Variants in ASCC3 observed in about 807,000 individuals in gnomAD.
The protein encoded by ASCC3 is ASC-1 complex subunit P200.
ASCC3 carries 158 observed loss-of-function variants against 256.3 expected under a neutral mutation model. The ratio of observed to expected loss-of-function variants is 0.62; its 90% CI spans 0.54 to 0.70. The LOEUF (loss-of-function observed/expected upper bound fraction) is 0.70, where lower values mean the gene tolerates loss of function less well. Among genes scored for constraint, ASCC3 ranks in the 30% least tolerant of loss-of-function variants. The probability of loss-of-function intolerance (pLI) is 0.00; values close to 1 mark genes in which losing one functional copy is unlikely to be tolerated. For synonymous variants in ASCC3, 948 were observed against 883.4 expected (o/e 1.07, Z -1.30); for missense variants, 2,259 against 2,626.0 (o/e 0.86, Z 3.05).
At chr6:100,608,808 G>T (rs1773236015) in intron 30 of ASCC3, among the ~76,000 whole-genome samples, 1 of 112,690 alleles carries the variant, frequency 8.9e-6, no homozygotes, top group Non-Finnish European at 1.7e-5. Flanking sequence ...ACGTTGCCCA[G>T]GTTGGAGTGC....
At chr6:100,551,597 T>A (rs998625228) in intron 36 of ASCC3, among the ~76,000 whole-genome samples, 5 of 151,976 alleles carry the variant, frequency 3.3e-5, no homozygotes, top group African/African-American at 1.2e-4. Flanking sequence ...TGAGTCATAA[T>A]CCAAAAGTGT....
intron 10 of ASCC3, 114 bp from the exon 11 acceptor site, chr6:100,725,817 GT>G: frequency 9.9e-7 from 1 of 1,012,232 alleles, no homozygotes; most frequent in Non-Finnish European, 1.5e-6. Context: ...AATAAAAAGT[GT>G]TTAGAATAGC....
chr6:100,715,215 A>C, intron 13 of ASCC3: 2 of 356,122 alleles, frequency 5.6e-6, no homozygotes, highest in Non-Finnish European at 1.0e-5. Context: ...GTAAGAATAT[A>C]ATATTTAAAA....
intron 13 of ASCC3, among the ~76,000 whole-genome samples, chr6:100,684,571 A>T (rs1777466007): frequency 6.6e-6 from 1 of 152,146 alleles, no homozygotes; most frequent in African/African-American, 2.4e-5. Flanking sequence ...AACAAAATTA[A>T]TTTTGCCTAA....
At chr6:100,700,938 C>T (rs1778325160) in intron 13 of ASCC3, among the ~76,000 whole-genome samples, 1 of 152,058 alleles carries the variant, frequency 6.6e-6, no homozygotes, top group African/African-American at 2.4e-5. Flanking sequence ...TGAGTTAAGA[C>T]TTTGGGGAAC....
intron 13 of ASCC3, among the ~76,000 whole-genome samples, chr6:100,703,205 A>T (rs2115002035): frequency 6.6e-6 from 1 of 152,232 alleles, no homozygotes; most frequent in South Asian, 2.1e-4. Flanking sequence ...ACACAAAAAT[A>T]ATAGAAATTT....
chr6:100,859,698 A>C (rs1773131079), intron 3 of ASCC3, among the ~76,000 whole-genome samples: 1 of 152,048 alleles, frequency 6.6e-6, no homozygotes, highest in Non-Finnish European at 1.5e-5. Flanking sequence ...ACTCCTGTCC[A>C]ACCTACCTTT....
At chr6:100,778,439 G>A (rs913588419) in intron 8 of ASCC3, among the ~76,000 whole-genome samples, 1 of 152,108 alleles carries the variant, frequency 6.6e-6, no homozygotes, top group Non-Finnish European at 1.5e-5. Context: ...CTAGGTAACA[G>A]TTTAGTGGAT....
intron 36 of ASCC3, among the ~76,000 whole-genome samples, chr6:100,583,481 C>G (rs201815432): frequency 1.3e-5 from 2 of 151,920 alleles, no homozygotes; most frequent in East Asian, 3.9e-4. Context: ...TCTCTCTTTT[C>G]TTCTTTATTA....
chr6:100,777,885 A>C (rs984235591), intron 8 of ASCC3, among the ~76,000 whole-genome samples: 11 of 152,156 alleles, frequency 7.2e-5, no homozygotes, highest in African/African-American at 2.7e-4. Context: ...AAGTAGAAGA[A>C]TAATATAATA....
chr6:100,650,452 T>C, intron 20 of ASCC3, 86 bp downstream of exon 20: 3 of 1,333,836 alleles, frequency 2.2e-6, no homozygotes, highest in Non-Finnish European at 3.2e-6. Context: ...CACAAAGCAA[T>C]GCATTCATAG....
At chr6:100,774,047 ACATT>A (rs1469386537) in intron 8 of ASCC3, among the ~76,000 whole-genome samples, 1 of 152,220 alleles carries the variant, frequency 6.6e-6, no homozygotes, top group Non-Finnish European at 1.5e-5. Context: ...AATCGATTCA[ACATT>A]CATTTACTGA....
intron 4 of ASCC3, among the ~76,000 whole-genome samples, chr6:100,839,729 C>T (rs1399080919): frequency 6.6e-6 from 1 of 152,130 alleles, no homozygotes; most frequent in Non-Finnish European, 1.5e-5. Context: ...TCTGTCCTTA[C>T]ATATTTTTTA....
intron 34 of ASCC3, among the ~76,000 whole-genome samples, chr6:100,593,296 A>T (rs906563104): frequency 6.6e-6 from 1 of 152,150 alleles, no homozygotes; most frequent in African/African-American, 2.4e-5. Flanking sequence ...TACACAAGCT[A>T]ACTTCTATTA....
At chr6:100,850,239 C>T (rs1468066028) in intron 3 of ASCC3, among the ~76,000 whole-genome samples, 4 of 151,920 alleles carry the variant, frequency 2.6e-5, no homozygotes, top group Non-Finnish European at 5.9e-5. Context: ...GTCTTATTGG[C>T]TATTATATAT....
intron 4 of ASCC3, among the ~76,000 whole-genome samples, chr6:100,844,778 A>T (rs1004493972): frequency 2.0e-5 from 3 of 152,102 alleles, no homozygotes; most frequent in African/African-American, 7.2e-5. Flanking sequence ...AAAGGGGATG[A>T]TATTGGCAAA....
At chr6:100,674,910 G>A (rs1776933454) in intron 14 of ASCC3, among the ~76,000 whole-genome samples, 2 of 152,026 alleles carry the variant, frequency 1.3e-5, no homozygotes, top group South Asian at 4.1e-4. Flanking sequence ...GGGATTACAG[G>A]TATGAGCCAC....
At position 100,847,630 on chromosome 6, in the gene ASCC3, T is replaced by G. The variant is rs537414231; in HGVS notation, c.801+518A>C. 1.6e-4 allele frequency among the ~76,000 whole-genome samples: 24 copies of G among 152,304 alleles called. No individual in the cohort carries two copies. The South Asian group carries it at 5.0e-3, about 32-fold the overall frequency. On this transcript the variant is annotated intron_variant, in intron 4 of 41. Coordinates refer to ENST00000369162, the MANE Select transcript of ASCC3 (RefSeq NM_006828.4). ...ATTATTTAACATGTTACTTACCATTTTGCATATATCACATTCAATCCTTAT... is the reference window on the plus strand; with the variant it reads ...ATTATTTAACATGTTACTTACCATTGTGCATATATCACATTCAATCCTTAT...
chr6:100,545,163 TA>T (rs1775649956), intron 36 of ASCC3, among the ~76,000 whole-genome samples: 2 of 152,054 alleles, frequency 1.3e-5, no homozygotes, highest in Admixed American at 1.3e-4. Flanking sequence ...TTCAACCTCA[TA>T]AATGGCACTT....
Sources: allele counts gnomAD v4.1 joint callset (sites outside exome capture counted in the v4.1 genomes callset), GRCh38; gene constraint gnomAD v4.1.1; transcripts MANE v1.5; gene names NCBI Gene and HGNC (gene_info 2026-07-23, HGNC 2026-07-21).